Variants in UTP18 observed in about 807,000 individuals in gnomAD.
UTP18 encodes UTP18 small subunit processome component.
Under a neutral mutation model 61.1 loss-of-function variants are expected in UTP18, and 36 were observed. That is an observed-to-expected ratio of 0.59 (90% confidence interval 0.45 to 0.78). The LOEUF (loss-of-function observed/expected upper bound fraction) is 0.78, where lower values mean the gene tolerates loss of function less well. Among genes scored for constraint, UTP18 ranks in the 30% least tolerant of loss-of-function variants. The probability of loss-of-function intolerance (pLI) is 0.00; values close to 1 mark genes in which losing one functional copy is unlikely to be tolerated. For missense variants in UTP18, 753 were observed against 693.9 expected, an observed-to-expected ratio of 1.09 and a Z score of -0.96; for synonymous variants, 282 against 251.1, an observed-to-expected ratio of 1.12 and a Z score of -1.16.
intron 13 of UTP18, 33 bp downstream of exon 13, chr17:51,297,036 G>C (rs1159390554): frequency 6.3e-7 from 1 of 1,576,146 alleles, no homozygotes; most frequent in Non-Finnish European, 8.7e-7. Context: ...AATTCTGCAG[G>C]TTTTAAGATA....
intron 11 of UTP18, 32 bp from the exon 12 acceptor site, chr17:51,293,871 T>TA (rs747145334): frequency 1.5e-5 from 22 of 1,487,278 alleles, no homozygotes; most frequent in Admixed American, 2.3e-5. Flanking sequence ...TCCCAGTTGT[T>TA]ACACTTTAAA....
In UTP18 at chr17:51,267,087, C is replaced by T. The variant is rs528641697; in HGVS notation, c.554+807C>T. ...AAGAAATCCTCCCACCTCAGCCTCC[C>T]GAGTAGCTGGGACTGCAGGTGTGTG... On this transcript the variant is annotated intron_variant, in intron 3 of 13. Coordinates refer to ENST00000225298, the MANE Select transcript of UTP18 (RefSeq NM_016001.3). Among the ~76,000 whole-genome samples, 6 of 152,264 alleles carry T rather than the reference C, an allele frequency of 3.9e-5. No homozygotes were observed. In the South Asian group the frequency reaches 6.2e-4, roughly 16 times the overall value.
chr17:51,285,476 T>C lies in UTP18; in HGVS notation c.1328+108T>C, dbSNP rs572714637. ...ATGAGTAGTTCTCTTTATAAACTAT[T>C]CAGTAATATGAAATTGGTCAACCCA... On this transcript the variant is annotated intron_variant, in intron 10 of 13. Transcript: ENST00000225298. 4.9e-5 allele frequency: 66 copies of C among 1,346,702 alleles called. 1 individual carries two copies. The African/African-American group carries it at 9.2e-4, about 19-fold the overall frequency. The allele number at this position is 1,346,702 out of a possible 1,614,324, so 83.4% of individuals were successfully genotyped here.
chr17:51,290,794 A>G (rs1905219161), intron 11 of UTP18, among the ~76,000 whole-genome samples: 1 of 152,248 alleles, frequency 6.6e-6, no homozygotes, highest in African/African-American at 2.4e-5. Context: ...AATGGTAGTC[A>G]ACCATAATAT....
chr17:51,295,087 T>C (rs1207726586), intron 12 of UTP18, among the ~76,000 whole-genome samples: 1 of 152,224 alleles, frequency 6.6e-6, no homozygotes, highest in Non-Finnish European at 1.5e-5. Context: ...TCATTGTAGA[T>C]TGTGGATATT....
chr17:51,283,149 G>T (rs1021177694), intron 9 of UTP18, among the ~76,000 whole-genome samples: 1 of 149,342 alleles, frequency 6.7e-6, no homozygotes, highest in Admixed American at 6.7e-5. Flanking sequence ...GATTACAGGC[G>T]TGAGCCACCG....
chr17:51,287,845 TTC>T (rs1197440467), intron 10 of UTP18, among the ~76,000 whole-genome samples, 182 bp from the exon 11 acceptor site: 6 of 152,154 alleles, frequency 3.9e-5, no homozygotes, highest in Non-Finnish European at 7.4e-5. Flanking sequence ...AGAATTTGAA[TTC>T]TGTTTTCAAC....
chr17:51,265,386 C>T (rs923688770), intron 2 of UTP18, among the ~76,000 whole-genome samples: 34 of 151,486 alleles, frequency 2.2e-4, no homozygotes, highest in African/African-American at 7.8e-4. Flanking sequence ...GCCTCAGCCT[C>T]CTGAGTAGAT....
At chr17:51,281,164 A>AT (rs1555555693) in intron 9 of UTP18, among the ~76,000 whole-genome samples, 48,036 of 140,134 alleles carry the variant, frequency 0.34, 9,226 homozygotes, top group South Asian at 0.48. Context: ...ATATATATAT[A>AT]TTTTTTTTAA....
At chr17:51,289,878 A>C (rs900824474) in intron 11 of UTP18, among the ~76,000 whole-genome samples, 3 of 152,242 alleles carry the variant, frequency 2.0e-5, no homozygotes, top group South Asian at 4.1e-4. Flanking sequence ...ACAGTTCTTC[A>C]GAGGATTAAC....
intron 10 of UTP18, chr17:51,286,356 C>G (rs575456395): frequency 2.6e-6 from 1 of 388,590 alleles, no homozygotes; most frequent in East Asian, 7.3e-5. Context: ...TTGTGATTTT[C>G]TTAGACCAAA....
At chr17:51,269,306 AAAAAAAAAAAAAAAAAAAAACC>A (rs1296658971) in intron 4 of UTP18, among the ~76,000 whole-genome samples, 32 of 149,092 alleles carry the variant, frequency 2.1e-4, no homozygotes, top group Admixed American at 2.1e-3. Context: ...AAAAAAAAAA[AAAAAAAAAAAAAAAAAAAAACC>A]AAAAAAATCT....
At chr17:51,269,001 T>G in intron 4 of UTP18, 97 bp downstream of exon 4, 1 of 1,291,510 alleles carries the variant, frequency 7.7e-7, no homozygotes, top group Non-Finnish European at 1.1e-6. Flanking sequence ...AACCTGGCAT[T>G]TCTTGCCTGG....
chr17:51,274,236 C>G, intron 5 of UTP18, among the ~76,000 whole-genome samples: 1 of 152,140 alleles, frequency 6.6e-6, no homozygotes, highest in East Asian at 1.9e-4. Context: ...CCTTTCTGCT[C>G]AAATGGCACC....
chr17:51,273,468 T>TG lies in UTP18; in HGVS notation c.711+23dup. 1 of 1,588,884 alleles carries TG rather than the reference T, an allele frequency of 6.3e-7. No individual in the cohort carries two copies. The highest frequency in any genetic ancestry group is 8.6e-7 in the Non-Finnish European group (1 of 1,162,250). On this transcript the variant is annotated intron_variant, in intron 5 of 13. Transcript: ENST00000225298. Reference sequence around the variant, plus strand: ...TCTTGAAGGTGAGAGTCAGTGAAGTTGGGGGATCCTATCTAACTACTTACC... The same window carrying TG: ...TCTTGAAGGTGAGAGTCAGTGAAGTTGGGGGGATCCTATCTAACTACTTACC...
intron 4 of UTP18, among the ~76,000 whole-genome samples, chr17:51,269,688 A>G (rs16949739): frequency 0.11 from 16,708 of 152,170 alleles, 1,470 homozygotes; most frequent in African/African-American, 0.23. Flanking sequence ...TCTATTAGAA[A>G]AGACAATCTG....
intron 9 of UTP18, among the ~76,000 whole-genome samples, chr17:51,282,512 GGA>G (rs1457180415): frequency 9.3e-5 from 2 of 21,396 alleles, no homozygotes; most frequent in Non-Finnish European, 1.5e-4. Flanking sequence ...AAAGATGGAA[GGA>G]AGGAAGGAAG....
chr17:51,262,403 A>G (rs1304595057), intron 1 of UTP18, among the ~76,000 whole-genome samples: 1 of 152,146 alleles, frequency 6.6e-6, no homozygotes, highest in Non-Finnish European at 1.5e-5. Flanking sequence ...ATTTGATAGT[A>G]TAAACTTTAT....
In UTP18 at chr17:51,263,263, G is replaced by A; in HGVS notation, c.343-11G>A. The A allele has an allele frequency of 6.2e-7, 1 of 1,612,400 alleles. No individual in the cohort carries two copies. The highest frequency in any genetic ancestry group is 8.5e-7 in the Non-Finnish European group (1 of 1,178,684). Reference sequence around the variant, plus strand: ...AAATCTCAGTGCTTGAGGGTGTTTTGTCTGCTGTAGGTTCAAGAACATGAA... The same window carrying A: ...AAATCTCAGTGCTTGAGGGTGTTTTATCTGCTGTAGGTTCAAGAACATGAA... On this transcript the variant is annotated splice_polypyrimidine_tract_variant and intron_variant, in intron 1 of 13. Coordinates refer to ENST00000225298, the MANE Select transcript of UTP18 (RefSeq NM_016001.3).
Sources: allele counts gnomAD v4.1 joint callset (sites outside exome capture counted in the v4.1 genomes callset), GRCh38; gene constraint gnomAD v4.1.1; transcripts MANE v1.5; gene names NCBI Gene and HGNC (gene_info 2026-07-23, HGNC 2026-07-21).